Variants in DHPS observed in about 807,000 individuals in gnomAD.
The protein encoded by DHPS is deoxyhypusine synthase.
In DHPS, 24 loss-of-function variants were observed where a neutral mutation model predicts 38.7. That is an observed-to-expected ratio of 0.62 (90% CI 0.45 to 0.87). The LOEUF is 0.87. DHPS is among the 40% of genes least tolerant of loss of function. The pLI is 0.00. For synonymous variants in DHPS, 250 were observed against 204.4 expected, an observed-to-expected ratio of 1.22 and a Z score of -1.90; for missense variants, 510 against 497.6, an observed-to-expected ratio of 1.02 and a Z score of -0.24.
chr19:12,679,513 C>T lies in DHPS; in HGVS notation c.622G>A (p.Ala208Thr), dbSNP rs528438144. Residue 208 changes from alanine (A) to threonine (T), a missense_variant, in exon 5 of 9, where the codon GCC (alanine) becomes ACC (threonine). Transcript: ENST00000210060. ...GVKWTPSKMI[A>T]RLGKEINNPE... ...TTGTTGATCTCCTTGCCCAGCCGGGCGATCATCTTAGAAGGCGTCCACTTT... is the reference window on the plus strand; with the variant it reads ...TTGTTGATCTCCTTGCCCAGCCGGGTGATCATCTTAGAAGGCGTCCACTTT... 2.4e-5 allele frequency: 39 copies of T among 1,614,044 alleles called. No homozygotes were observed. The highest frequency in any genetic ancestry group is 3.1e-5 in the Non-Finnish European group (37 of 1,180,036).
intron 1 of DHPS, chr19:12,681,111 C>A: frequency 7.8e-7 from 1 of 1,277,418 alleles, no homozygotes; most frequent in Non-Finnish European, 1.0e-6. Flanking sequence ...GGATTATAGG[C>A]ATGCGCCACC....
chr19:12,681,566 A>G lies in DHPS; in HGVS notation c.201T>C (p.Asn67=), dbSNP rs2024814854. The change falls in exon 1 of 9, where the codon AAT becomes AAC. Residue 67 remains asparagine (N), a synonymous_variant. Transcript: ENST00000210060. ...TNFGRAVQQV[N]AMIEKKLEPL... is the part of the protein sequence containing the mutation. The stretch of plus-strand genomic sequence containing the variant: ...AATTCCGCCCGGTCCTCACCATGGC[A>G]TTGACTTGCTGTACAGCGCGCCCGA... 2 of 1,614,122 alleles carry G rather than the reference A, an allele frequency of 1.2e-6. No homozygotes were observed. Among genetic ancestry groups the G allele is most frequent in the African/African-American group, 1.3e-5 (1 of 74,946 alleles).
downstream of DHPS, chr19:12,672,792 C>A: frequency 6.5e-7 from 1 of 1,535,632 alleles, no homozygotes; most frequent in Non-Finnish European, 8.8e-7. Context: ...CACAGGGCTG[C>A]CTGGAGCCAT....
At chr19:12,677,494 T>C (rs2024648086) in intron 5 of DHPS, 98 bp from the exon 6 acceptor site, 2 of 960,850 alleles carry the variant, frequency 2.1e-6, no homozygotes, top group African/African-American at 3.3e-5. Context: ...CTAATTTCTC[T>C]AGGACTGTTT....
At chr19:12,672,947 G>A (rs1252799866), downstream of DHPS, 4 of 1,595,658 alleles carry the variant, frequency 2.5e-6, no homozygotes, top group African/African-American at 1.3e-5. Flanking sequence ...GACAGGCAGG[G>A]AAGATGGGGG....
chr19:12,673,075 AT>A (rs1259245061), downstream of DHPS: 2 of 1,613,310 alleles, frequency 1.2e-6, no homozygotes. Context: ...TGGACTCCAC[AT>A]TGCGGCTCCT....
At chr19:12,679,980 G>A (rs372534073) in intron 2 of DHPS, 58 bp from the exon 3 acceptor site, 3 of 1,579,478 alleles carry the variant, frequency 1.9e-6, no homozygotes, top group South Asian at 1.2e-5. Flanking sequence ...CTCATTCTGG[G>A]CAGAACTTCT....
At chr19:12,680,470 C>T (rs2024768922) in intron 1 of DHPS, 145 bp from the exon 2 acceptor site, 1 of 767,692 alleles carries the variant, frequency 1.3e-6, no homozygotes, top group Non-Finnish European at 2.1e-6. Context: ...AGGAACATCT[C>T]CTGTGTAAAC....
In DHPS at chr19:12,675,776, G is replaced by T. The variant is rs765966600; in HGVS notation, c.*62C>A. The T allele has an allele frequency of 1.9e-6, 3 of 1,565,842 alleles. No individual in the cohort carries two copies. The highest frequency in any genetic ancestry group is 1.4e-5 in the African/African-American group (1 of 73,356). On this transcript the variant is annotated 3_prime_UTR_variant, in exon 9 of 9. Coordinates refer to ENST00000210060, the MANE Select transcript of DHPS (RefSeq NM_001930.4). Reference sequence around the variant, plus strand: ...CGTAGCTGACCAAAAAGTAGGGGAGGGGCTGGGTCTGCAAATTAATAAATA... The same window carrying T: ...CGTAGCTGACCAAAAAGTAGGGGAGTGGCTGGGTCTGCAAATTAATAAATA...
At chr19:12,675,446 T>C (rs2024545847), downstream of DHPS, 3 of 1,552,086 alleles carry the variant, frequency 1.9e-6, no homozygotes, top group Non-Finnish European at 2.6e-6. Context: ...AGGACTGAGA[T>C]GGGGGGTGCC....
At chr19:12,681,185 C>T in intron 1 of DHPS, 1 of 1,239,582 alleles carries the variant, frequency 8.1e-7, no homozygotes, top group Non-Finnish European at 1.0e-6. Flanking sequence ...CCGGTCCCTT[C>T]CCCGCTGGGA....
At chr19:12,679,289 T>G (rs1047980008) in intron 5 of DHPS, among the ~76,000 whole-genome samples, 168 bp downstream of exon 5, 2 of 149,584 alleles carry the variant, frequency 1.3e-5, no homozygotes, top group Admixed American at 6.6e-5. Context: ...CAGAGCAAGA[T>G]CCTGTCTCAA....
Position 12,680,224 on chromosome 19 carries a change from A to G in DHPS, c.309T>C (p.Tyr103=), listed in dbSNP as rs1394920014. ...PLTSCTIFLG[Y]TSNLISSGIR... ...TGCCTGAACTGATGAGGTTGGATGT[A>G]TATCCCAGGAAAATGGTGCAGCTGG... is the stretch of plus-strand genomic sequence containing the variant. The change falls in exon 2 of 9, where the codon TAT becomes TAC. Residue 103 remains tyrosine, a synonymous_variant. Coordinates refer to ENST00000210060, the MANE Select transcript of DHPS (RefSeq NM_001930.4). 6.2e-7 allele frequency: 1 copy of G among 1,614,144 alleles called. No homozygotes were observed. Among genetic ancestry groups the G allele is most frequent in the Non-Finnish European group, 8.5e-7 (1 of 1,180,022 alleles).
downstream of DHPS, among the ~76,000 whole-genome samples, chr19:12,673,640 A>G (rs1599372977): frequency 6.7e-6 from 1 of 149,350 alleles, no homozygotes; most frequent in Non-Finnish European, 1.5e-5. Flanking sequence ...CTGGTCTTAA[A>G]CTCCTGACCT....
At chr19:12,673,790 C>T (rs932340714), downstream of DHPS, among the ~76,000 whole-genome samples, 1 of 152,152 alleles carries the variant, frequency 6.6e-6, no homozygotes, top group Non-Finnish European at 1.5e-5. Context: ...CCTCTTCCCC[C>T]CAGGGTTCAG....
downstream of DHPS, chr19:12,673,381 C>T: frequency 1.1e-6 from 1 of 926,266 alleles, no homozygotes; most frequent in Non-Finnish European, 1.8e-6. Flanking sequence ...GTCCTTACCT[C>T]AGTCACTCCA....
At chr19:12,675,308 G>A (rs941577757), downstream of DHPS, among the ~76,000 whole-genome samples, 30 of 152,090 alleles carry the variant, frequency 2.0e-4, no homozygotes, top group African/African-American at 2.7e-4. Context: ...CAAGACTTGC[G>A]GCCTGAACAC....
At position 12,677,344 on chromosome 19, in the gene DHPS, A is replaced by C. The variant is rs919971126; in HGVS notation, c.731T>G (p.Met244Arg). ...PALTDGSLGD[M>R]IFFHSYKNPG... ...GTTCTTGTAGGAATGGAAGAAGATC[A>C]TGTCGCCCAGCGAGCCGTCTGTAAG... The change falls in exon 6 of 9, where the codon ATG becomes AGG. Residue 244 changes from methionine (M) to arginine (R), a missense_variant. Physicochemically the swap from Met to Arg is moderately conservative, Grantham distance 91. Coordinates refer to ENST00000210060, the MANE Select transcript of DHPS (RefSeq NM_001930.4). 1.2e-6 allele frequency: 2 copies of C among 1,614,146 alleles called. No homozygotes were observed. Among genetic ancestry groups the C allele is most frequent in the Non-Finnish European group, 1.7e-6 (2 of 1,179,994 alleles).
At chr19:12,679,367 T>C in intron 5 of DHPS, 90 bp downstream of exon 5, 2 of 1,224,486 alleles carry the variant, frequency 1.6e-6, no homozygotes, top group Non-Finnish European at 2.4e-6. Context: ...ATGCTGAGAA[T>C]AACAGTACTG....
Sources: gnomAD v4.1 joint callset for allele counts (sites outside exome capture counted in the v4.1 genomes callset) on GRCh38, gnomAD v4.1.1 for gene constraint, MANE v1.5 for transcripts, NCBI Gene and HGNC (gene_info 2026-07-23, HGNC 2026-07-21) for gene names.